Variants in KRTAP12-3 observed in about 807,000 individuals in gnomAD.
KRTAP12-3 encodes keratin-associated protein 12-3.
Under a neutral mutation model 0.2 loss-of-function variants are expected in KRTAP12-3, and 1 was observed. The observed-to-expected ratio is 4.14, with a 90% CI of 1.47 to 19.66. KRTAP12-3 has a LOEUF of 19.66. KRTAP12-3 is among the 30% of genes most tolerant of loss of function. KRTAP12-3 has a pLI of 0.11. For missense variants in KRTAP12-3, 116 were observed against 128.2 expected (o/e 0.90, Z 0.46); for synonymous variants, 61 against 54.3 (o/e 1.12, Z -0.54).
chr21:44,657,936 C>A lies in KRTAP12-3; in HGVS notation c.-44C>A, dbSNP rs114984685. ...GACCACCAGAGAAGCAGCTTCCAGACATCACCATCCTCCTCCCCAGTACCA... is the reference window on the plus strand; with the variant it reads ...GACCACCAGAGAAGCAGCTTCCAGAAATCACCATCCTCCTCCCCAGTACCA... On this transcript the variant is annotated 5_prime_UTR_variant, in exon 1 of 1. Coordinates refer to ENST00000397907, the MANE Select transcript of KRTAP12-3 (RefSeq NM_198697.2). The A allele has an allele frequency of 2.0e-5, 31 of 1,584,354 alleles. No individual in the cohort carries two copies. The highest frequency in any genetic ancestry group is 1.3e-4 in the South Asian group (11 of 87,366).
chr21:44,658,269 G>A lies in KRTAP12-3; in HGVS notation c.290G>A (p.Ter97=), dbSNP rs1300672152. 1 of 1,613,076 alleles carries A rather than the reference G, an allele frequency of 6.2e-7. No individual in the cohort carries two copies. Among genetic ancestry groups the A allele is most frequent in the East Asian group, 2.2e-5 (1 of 44,838 alleles). The change falls in exon 1 of 1, where the codon TGA becomes TAA. Residue 97 remains the stop codon, a stop_retained_variant. Transcript: ENST00000397907. ...PISCSTPSCC[*] ...TCCTGCAGCACCCCTTCCTGCTGCT[G>A]ACCAGCTGCTCCTGGTACACGGGGG...
Position 44,658,110 on chromosome 21 carries a change from T to C in KRTAP12-3, c.131T>C (p.Val44Ala), listed in dbSNP as rs1679099175. 6.2e-7 allele frequency: 1 copy of C among 1,613,254 alleles called. No individual in the cohort carries two copies. Among genetic ancestry groups the C allele is most frequent in the African/African-American group, 1.3e-5 (1 of 74,776 alleles). ...VCMPVSCTRI[V>A]CVAPSCQPSV... ...ATGCCCGTGAGCTGCACGCGCATTG[T>C]GTGCGTGGCTCCCTCCTGCCAGCCC... The change falls in exon 1 of 1, where the codon GTG (valine) becomes GCG (alanine). Residue 44 changes from valine (V) to alanine (A), a missense_variant. Val to Ala is a moderately conservative substitution (Grantham distance 64, BLOSUM62 0). Coordinates refer to ENST00000397907, the MANE Select transcript of KRTAP12-3 (RefSeq NM_198697.2).
At position 44,657,945 on chromosome 21, in the gene KRTAP12-3, C is replaced by T. The variant is rs782415573; in HGVS notation, c.-35C>T. The T allele has an allele frequency of 3.8e-6, 6 of 1,595,760 alleles. No individual in the cohort carries two copies. In the South Asian group the frequency reaches 4.5e-5, roughly 12 times the overall value. Reference sequence around the variant, plus strand: ...AGAAGCAGCTTCCAGACATCACCATCCTCCTCCCCAGTACCAGCCCAGCCA... The same window carrying T: ...AGAAGCAGCTTCCAGACATCACCATTCTCCTCCCCAGTACCAGCCCAGCCA... On this transcript the variant is annotated 5_prime_UTR_variant, in exon 1 of 1. Coordinates refer to ENST00000397907, the MANE Select transcript of KRTAP12-3 (RefSeq NM_198697.2).
At chr21:44,658,249 C>A in the KRTAP12-3 span, 1 of 1,613,754 alleles carries the variant, frequency 6.2e-7, no homozygotes, top group Non-Finnish European at 8.5e-7. Context: ...CCATCTCCTG[C>A]AGCACCCCTT....
In KRTAP12-3 at chr21:44,658,102, G is replaced by A. The variant is rs782250308; in HGVS notation, c.123G>A (p.Thr41=). 2.0e-5 allele frequency: 33 copies of A among 1,613,660 alleles called. No individual in the cohort carries two copies. The highest frequency in any genetic ancestry group is 1.1e-4 in the African/African-American group (8 of 74,814). ...QSSVCMPVSC[T]RIVCVAPSCQ... Reference sequence around the variant, plus strand: ...CCGTGTGCATGCCCGTGAGCTGCACGCGCATTGTGTGCGTGGCTCCCTCCT... The same window carrying A: ...CCGTGTGCATGCCCGTGAGCTGCACACGCATTGTGTGCGTGGCTCCCTCCT... Residue 41 remains threonine, a synonymous_variant, in exon 1 of 1, where the codon ACG becomes ACA. Coordinates refer to ENST00000397907, the MANE Select transcript of KRTAP12-3 (RefSeq NM_198697.2).
rs1237650737 is a variant in KRTAP12-3 at position 44,658,054 on chromosome 21, T to C, written c.75T>C (p.Tyr25=). 1.9e-6 allele frequency: 3 copies of C among 1,613,796 alleles called. No homozygotes were observed. The highest frequency in any genetic ancestry group is 2.7e-5 in the African/African-American group (2 of 74,920). The change falls in exon 1 of 1, where the codon TAT becomes TAC. Residue 25 remains tyrosine (Y), a synonymous_variant. Coordinates refer to ENST00000397907, the MANE Select transcript of KRTAP12-3 (RefSeq NM_198697.2). ...CIHSPCQASC[Y]VPVSCQSSVC... The stretch of plus-strand genomic sequence containing the variant: ...ACAGCCCCTGCCAGGCATCCTGCTA[T>C]GTGCCCGTGAGCTGCCAGTCCTCCG...
chr21:44,658,314 G>T lies in KRTAP12-3; in HGVS notation c.*44G>T. On this transcript the variant is annotated 3_prime_UTR_variant, in exon 1 of 1. Coordinates refer to ENST00000397907, the MANE Select transcript of KRTAP12-3 (RefSeq NM_198697.2). ...CGGGGGTACACACCTGTATCCCTCC[G>T]TGAATAAGCATCTGGTGGACCCCCA... is the stretch of plus-strand genomic sequence containing the variant. 1 of 1,575,494 alleles carries T rather than the reference G, an allele frequency of 6.3e-7. No individual in the cohort carries two copies. The highest frequency in any genetic ancestry group is 1.3e-5 in the African/African-American group (1 of 74,300).
Position 44,657,983 on chromosome 21 carries a change from T to G in KRTAP12-3, c.4T>G (p.Cys2Gly). Residue 2 changes from cysteine (C) to glycine (G), a missense_variant, in exon 1 of 1, where the codon TGC becomes GGC. Cys to Gly is a radical substitution (Grantham distance 159). Coordinates refer to ENST00000397907, the MANE Select transcript of KRTAP12-3 (RefSeq NM_198697.2). M[C>G]HTSCSPACQP... ...ACCAGCCCAGCCACACGCCACCATG[T>G]GCCACACCAGCTGCTCCCCAGCCTG... 1 of 1,612,984 alleles carries G rather than the reference T, an allele frequency of 6.2e-7. No homozygotes were observed. The highest frequency in any genetic ancestry group is 8.5e-7 in the Non-Finnish European group (1 of 1,179,316).
rs1985285215 is a variant in KRTAP12-3, at chr21:44,658,277, G to A, written c.*7G>A. On this transcript the variant is annotated 3_prime_UTR_variant, in exon 1 of 1. Transcript: ENST00000397907. Reference sequence around the variant, plus strand: ...CACCCCTTCCTGCTGCTGACCAGCTGCTCCTGGTACACGGGGGTACACACC... The same window carrying A: ...CACCCCTTCCTGCTGCTGACCAGCTACTCCTGGTACACGGGGGTACACACC... 4 of 1,612,600 alleles carry A rather than the reference G, an allele frequency of 2.5e-6. No individual in the cohort carries two copies. Among genetic ancestry groups the A allele is most frequent in the East Asian group, 2.2e-5 (1 of 44,854 alleles).
Position 44,658,254 on chromosome 21 carries a change from C to T in KRTAP12-3, c.275C>T (p.Thr92Ile). The change falls in exon 1 of 1, where the codon ACC (threonine) becomes ATC (isoleucine). Residue 92 changes from threonine (T) to isoleucine (I), a missense_variant. Coordinates refer to ENST00000397907, the MANE Select transcript of KRTAP12-3 (RefSeq NM_198697.2). Reference sequence around the variant, plus strand: ...CTCTGCAGACCCATCTCCTGCAGCACCCCTTCCTGCTGCTGACCAGCTGCT... The same window carrying T: ...CTCTGCAGACCCATCTCCTGCAGCATCCCTTCCTGCTGCTGACCAGCTGCT... Reference protein sequence around the residue: ...TALCRPISCSTPSCC With the variant: ...TALCRPISCSIPSCC The T allele has an allele frequency of 6.2e-7, 1 of 1,613,552 alleles. No individual in the cohort carries two copies. The highest frequency in any genetic ancestry group is 8.5e-7 in the Non-Finnish European group (1 of 1,179,538).
Position 44,658,239 on chromosome 21 carries a change from C to T in KRTAP12-3, c.260C>T (p.Pro87Leu). Reference sequence around the variant, plus strand: ...CCCTGCACCACTGCCCTCTGCAGACCCATCTCCTGCAGCACCCCTTCCTGC... The same window carrying T: ...CCCTGCACCACTGCCCTCTGCAGACTCATCTCCTGCAGCACCCCTTCCTGC... ...QPPCTTALCR[P>L]ISCSTPSCC is the part of the protein sequence containing the mutation. Residue 87 changes from proline to leucine, a missense_variant, in exon 1 of 1, where the codon CCC becomes CTC. Coordinates refer to ENST00000397907, the MANE Select transcript of KRTAP12-3 (RefSeq NM_198697.2). 6.2e-7 allele frequency: 1 copy of T among 1,614,054 alleles called. No homozygotes were observed. The highest frequency in any genetic ancestry group is 8.5e-7 in the Non-Finnish European group (1 of 1,179,928).
At position 44,657,970 on chromosome 21, in the gene KRTAP12-3, A is replaced by G; in HGVS notation, c.-10A>G. 6.2e-7 allele frequency: 1 copy of G among 1,610,714 alleles called. No homozygotes were observed. Among genetic ancestry groups the G allele is most frequent in the Non-Finnish European group, 8.5e-7 (1 of 1,177,786 alleles). ...CCTCCTCCCCAGTACCAGCCCAGCCACACGCCACCATGTGCCACACCAGCT... is the reference window on the plus strand; with the variant it reads ...CCTCCTCCCCAGTACCAGCCCAGCCGCACGCCACCATGTGCCACACCAGCT... On this transcript the variant is annotated 5_prime_UTR_variant, in exon 1 of 1. Coordinates refer to ENST00000397907, the MANE Select transcript of KRTAP12-3 (RefSeq NM_198697.2).
At position 44,658,302 on chromosome 21, in the gene KRTAP12-3, C is replaced by T; in HGVS notation, c.*32C>T. On this transcript the variant is annotated 3_prime_UTR_variant, in exon 1 of 1. Coordinates refer to ENST00000397907, the MANE Select transcript of KRTAP12-3 (RefSeq NM_198697.2). ...GCTCCTGGTACACGGGGGTACACACCTGTATCCCTCCGTGAATAAGCATCT... is the reference window on the plus strand; with the variant it reads ...GCTCCTGGTACACGGGGGTACACACTTGTATCCCTCCGTGAATAAGCATCT... The T allele has an allele frequency of 6.3e-7, 1 of 1,596,110 alleles. No individual in the cohort carries two copies. The highest frequency in any genetic ancestry group is 8.6e-7 in the Non-Finnish European group (1 of 1,166,698).
At position 44,657,944 on chromosome 21, in the gene KRTAP12-3, T is replaced by G; in HGVS notation, c.-36T>G. 6.3e-7 allele frequency: 1 copy of G among 1,594,802 alleles called. No homozygotes were observed. The highest frequency in any genetic ancestry group is 8.6e-7 in the Non-Finnish European group (1 of 1,167,498). ...GAGAAGCAGCTTCCAGACATCACCA[T>G]CCTCCTCCCCAGTACCAGCCCAGCC... On this transcript the variant is annotated 5_prime_UTR_variant, in exon 1 of 1. Coordinates refer to ENST00000397907, the MANE Select transcript of KRTAP12-3 (RefSeq NM_198697.2).
In KRTAP12-3 at chr21:44,658,319, T is replaced by C. The variant is rs956323347; in HGVS notation, c.*49T>C. The C allele has an allele frequency of 3.2e-5, 50 of 1,563,022 alleles. No individual in the cohort carries two copies. The highest frequency in any genetic ancestry group is 4.0e-5 in the Non-Finnish European group (46 of 1,141,448). On this transcript the variant is annotated 3_prime_UTR_variant, in exon 1 of 1. Transcript: ENST00000397907. ...GTACACACCTGTATCCCTCCGTGAA[T>C]AAGCATCTGGTGGACCCCCAGATTG...
Position 44,658,043 on chromosome 21 carries a change from G to A in KRTAP12-3, c.64G>A (p.Ala22Thr). Reference protein sequence around the residue: ...PTCCIHSPCQASCYVPVSCQS... With the variant: ...PTCCIHSPCQTSCYVPVSCQS... The stretch of plus-strand genomic sequence containing the variant: ...CTGCTGCATACACAGCCCCTGCCAG[G>A]CATCCTGCTATGTGCCCGTGAGCTG... The change falls in exon 1 of 1, where the codon GCA (alanine) becomes ACA (threonine). Residue 22 changes from alanine (A) to threonine (T), a missense_variant. Transcript: ENST00000397907. 1 of 1,613,766 alleles carries A rather than the reference G, an allele frequency of 6.2e-7. No individual in the cohort carries two copies. The highest frequency in any genetic ancestry group is 8.5e-7 in the Non-Finnish European group (1 of 1,179,814).
chr21:44,658,163 C>A lies in KRTAP12-3; in HGVS notation c.184C>A (p.Pro62Thr), dbSNP rs781873473. ...CGTGTGCGTGCCCGTGAGCTGCAGGCCCATCATATATGTGACTCCCTCTTG... is the reference window on the plus strand; with the variant it reads ...CGTGTGCGTGCCCGTGAGCTGCAGGACCATCATATATGTGACTCCCTCTTG... ...PSVCVPVSCR[P>T]IIYVTPSCQS... The change falls in exon 1 of 1, where the codon CCC becomes ACC. Residue 62 changes from proline to threonine, a missense_variant. Pro to Thr is a conservative substitution (Grantham distance 38). Coordinates refer to ENST00000397907, the MANE Select transcript of KRTAP12-3 (RefSeq NM_198697.2). 6.2e-7 allele frequency: 1 copy of A among 1,614,142 alleles called. No individual in the cohort carries two copies. Among genetic ancestry groups the A allele is most frequent in the South Asian group, 1.1e-5 (1 of 91,088 alleles).
rs1555942925 is a variant in KRTAP12-3, at chr21:44,658,117, G to A, written c.138G>A (p.Val46=). 1.2e-6 allele frequency: 2 copies of A among 1,613,578 alleles called. No homozygotes were observed. Among genetic ancestry groups the A allele is most frequent in the Admixed American group, 1.7e-5 (1 of 59,966 alleles). ...MPVSCTRIVC[V]APSCQPSVCV... Reference sequence around the variant, plus strand: ...TGAGCTGCACGCGCATTGTGTGCGTGGCTCCCTCCTGCCAGCCCTCCGTGT... The same window carrying A: ...TGAGCTGCACGCGCATTGTGTGCGTAGCTCCCTCCTGCCAGCCCTCCGTGT... The change falls in exon 1 of 1, where the codon GTG becomes GTA. Residue 46 remains valine (V), a synonymous_variant. Transcript: ENST00000397907.
chr21:44,658,176 T>TG, the KRTAP12-3 span: 1 of 1,614,054 alleles, frequency 6.2e-7, no homozygotes, highest in Non-Finnish European at 8.5e-7. Context: ...ATCATATATG[T>TG]GACTCCCTCT....
Sources: allele counts gnomAD v4.1 joint callset, GRCh38; gene constraint gnomAD v4.1.1; transcripts MANE v1.5; gene names NCBI Gene and HGNC (gene_info 2026-07-23, HGNC 2026-07-21).